SYCP2: variants seen among roughly 807,000 people sequenced by gnomAD.
SYCP2 encodes the protein synaptonemal complex lateral element protein.
In SYCP2, 55 loss-of-function variants were observed where a neutral mutation model predicts 211.3. That is an observed-to-expected ratio of 0.26 (90% CI 0.21 to 0.33). The LOEUF (loss-of-function observed/expected upper bound fraction) is 0.33. Among genes scored for constraint, SYCP2 ranks in the 10% least tolerant of loss-of-function variants. SYCP2 has a pLI of 1.00. For synonymous variants in SYCP2, 570 were observed against 555.2 expected (o/e 1.03, Z -0.37); for missense variants, 1,731 against 1,752.0 (o/e 0.99, Z 0.21).
chr20:59,910,363 T>G (rs1303741088), intron 14 of SYCP2, among the ~76,000 whole-genome samples: 1 of 149,906 alleles, frequency 6.7e-6, no homozygotes, highest in Non-Finnish European at 1.5e-5. Flanking sequence ...ACTGCTATAG[T>G]GTAATTGCTT....
Position 59,881,968 on chromosome 20 carries a change from C to CA in SYCP2, c.2634dup (p.Asp879Ter). On this transcript the variant is annotated frameshift_variant, in exon 28 of 45. Coordinates refer to ENST00000357552, the MANE Select transcript of SYCP2 (RefSeq NM_014258.4). LOFTEE classifies it high-confidence loss of function. ...ACTCCAAGTTTTATGATAGGGTCAT[C>CA]AGCTCCATTCAAATTAAAATTGTAA... The CA allele has an allele frequency of 6.2e-7, 1 of 1,612,766 alleles. No individual in the cohort carries two copies. The highest frequency in any genetic ancestry group is 8.5e-7 in the Non-Finnish European group (1 of 1,179,336).
intron 19 of SYCP2, among the ~76,000 whole-genome samples, chr20:59,895,825 G>A (rs563144159): frequency 6.6e-6 from 1 of 152,144 alleles, no homozygotes; most frequent in East Asian, 1.9e-4. Context: ...TACATTTGGG[G>A]AGCCTGTCAG....
At chr20:59,907,608 T>A (rs1322668924) in intron 14 of SYCP2, among the ~76,000 whole-genome samples, 184 bp from the exon 15 acceptor site, 1 of 152,238 alleles carries the variant, frequency 6.6e-6, no homozygotes, top group African/African-American at 2.4e-5. Context: ...ATTTAATGTA[T>A]TTGTTCATTA....
chr20:59,900,768 T>C lies in SYCP2; in HGVS notation c.1233A>G (p.Ile411Met), dbSNP rs968985028. ...CCTGTGATCCACTTGCGTCAAAAAG[T>C]ATATGCAGCGACGTTTTGGCAACTG... The part of the protein sequence containing the change: ...GISVAKTSLH[I>M]LFDASGSQIL... Residue 411 changes from isoleucine (I) to methionine (M), a missense_variant, in exon 17 of 45, where the codon ATA (isoleucine) becomes ATG (methionine). Around this residue, in one of 3 missense-constraint regions of SYCP2, gnomAD observed 1,387 missense variants for 1,351.3 expected, o/e 1.03. Coordinates refer to ENST00000357552, the MANE Select transcript of SYCP2 (RefSeq NM_014258.4). The C allele has an allele frequency of 2.6e-5, 42 of 1,612,828 alleles. No homozygotes were observed. The highest frequency in any genetic ancestry group is 3.4e-5 in the Non-Finnish European group (40 of 1,179,304).
intron 20 of SYCP2, among the ~76,000 whole-genome samples, chr20:59,894,552 TA>T (rs1439223291): frequency 6.6e-6 from 1 of 152,016 alleles, no homozygotes; most frequent in Non-Finnish European, 1.5e-5. Flanking sequence ...CCAAGACTAC[TA>T]AGCTTTGAGA....
chr20:59,866,772 T>G (rs2059345850), intron 39 of SYCP2, among the ~76,000 whole-genome samples, 183 bp from the exon 40 acceptor site: 1 of 151,506 alleles, frequency 6.6e-6, no homozygotes, highest in South Asian at 2.1e-4. Context: ...AGTGAACTTA[T>G]TTAACTCCAT....
intron 14 of SYCP2, among the ~76,000 whole-genome samples, chr20:59,909,481 T>C (rs6027192): frequency 0.018 from 2,736 of 152,282 alleles, 86 homozygotes; most frequent in African/African-American, 0.063. Context: ...TCTAGTGTTT[T>C]TTCTTTTTAT....
At position 59,892,281 on chromosome 20, in the gene SYCP2, C is replaced by T. The variant is rs971226994; in HGVS notation, c.2073G>A (p.Lys691=). ...GATGATTTTGTTGCTGATTGTGTTT[C>T]TTGCAAACTTCTACTTCTGCTTTAT... ...KIDKAEVEVC[K]KHNQQQNHPK... The change falls in exon 24 of 45, where the codon AAG becomes AAA. Residue 691 remains lysine (K), a synonymous_variant. Coordinates refer to ENST00000357552, the MANE Select transcript of SYCP2 (RefSeq NM_014258.4). 8.7e-6 allele frequency: 14 copies of T among 1,612,428 alleles called. No homozygotes were observed. Among genetic ancestry groups the T allele is most frequent in the African/African-American group, 1.3e-5 (1 of 74,804 alleles).
chr20:59,920,671 A>G (rs2060525036), intron 4 of SYCP2, among the ~76,000 whole-genome samples, 184 bp from the exon 5 acceptor site: 1 of 151,706 alleles, frequency 6.6e-6, no homozygotes. Flanking sequence ...AAAGCCATAC[A>G]GTCAGGGAAT....
At chr20:59,868,946 TA>T in intron 36 of SYCP2, 21 bp from the exon 37 acceptor site, 1 of 1,549,986 alleles carries the variant, frequency 6.5e-7, no homozygotes, top group Non-Finnish European at 8.8e-7. Context: ...TATTAGAAAT[TA>T]GAAAAAAATT....
At chr20:59,912,515 G>T in intron 12 of SYCP2, 97 bp from the exon 13 acceptor site, 1 of 483,322 alleles carries the variant, frequency 2.1e-6, no homozygotes, top group Non-Finnish European at 3.7e-6. Flanking sequence ...AAGGAAATCA[G>T]GCAGTGGTCA....
chr20:59,904,874 A>G (rs1325647254), intron 15 of SYCP2, among the ~76,000 whole-genome samples: 1 of 152,150 alleles, frequency 6.6e-6, no homozygotes, highest in Non-Finnish European at 1.5e-5. Flanking sequence ...ATCACATGGC[A>G]AGAGAGGGAG....
intron 24 of SYCP2, among the ~76,000 whole-genome samples, chr20:59,890,647 G>A (rs991846019): frequency 6.6e-6 from 1 of 151,914 alleles, no homozygotes; most frequent in Non-Finnish European, 1.5e-5. Context: ...ATTCTAAATA[G>A]GATACAGGTA....
At chr20:59,915,587 T>C in intron 8 of SYCP2, 37 bp from the exon 9 acceptor site, 1 of 1,253,730 alleles carries the variant, frequency 8.0e-7, no homozygotes, top group Non-Finnish European at 1.2e-6. Flanking sequence ...TAACTTTACA[T>C]TCAGTGAAAC....
chr20:59,895,490 A>G lies in SYCP2; in HGVS notation c.1612T>C (p.Ser538Pro). ...TSENRVDNAA[S>P]LKSRSSEGRH... ...CCTTCTGATGATCTAGATTTCAGTG[A>G]TGCAGCATTATCCACTCTATTTTCT... is the stretch of plus-strand genomic sequence containing the variant. Residue 538 changes from serine to proline, a missense_variant, in exon 20 of 45, where the codon TCA becomes CCA. Around this residue, in one of 3 missense-constraint regions of SYCP2, gnomAD observed 1,387 missense variants for 1,351.3 expected, o/e 1.03. Coordinates refer to ENST00000357552, the MANE Select transcript of SYCP2 (RefSeq NM_014258.4). 6.2e-7 allele frequency: 1 copy of G among 1,613,054 alleles called. No individual in the cohort carries two copies. The highest frequency in any genetic ancestry group is 8.5e-7 in the Non-Finnish European group (1 of 1,179,306).
At chr20:59,900,588 C>T (rs1005874147) in intron 17 of SYCP2, among the ~76,000 whole-genome samples, 156 bp downstream of exon 17, 88 of 152,202 alleles carry the variant, frequency 5.8e-4, no homozygotes, top group Middle Eastern at 6.8e-3. Flanking sequence ...TCATTAATAA[C>T]ATGTTTAAAC....
At chr20:59,899,079 A>AG (rs138818029) in intron 18 of SYCP2, among the ~76,000 whole-genome samples, 3,020 of 152,270 alleles carry the variant, frequency 0.02, 41 homozygotes, top group Middle Eastern at 0.041. Context: ...CTGATTTTTC[A>AG]GGTATCTCAT....
intron 16 of SYCP2, 60 bp downstream of exon 16, chr20:59,901,602 A>T (rs997550410): frequency 1.9e-6 from 2 of 1,071,872 alleles, no homozygotes; most frequent in Non-Finnish European, 2.7e-6. Context: ...AAAACTTATA[A>T]CGCCAAACTG....
At chr20:59,876,599 G>C (rs970572576) in intron 33 of SYCP2, among the ~76,000 whole-genome samples, 1 of 151,650 alleles carries the variant, frequency 6.6e-6, no homozygotes, top group African/African-American at 2.4e-5. Context: ...TCCTAGTTGT[G>C]TGACCTTGAG....
Sources: allele counts gnomAD v4.1 joint callset (sites outside exome capture counted in the v4.1 genomes callset), GRCh38; gene constraint gnomAD v4.1.1; regional missense constraint gnomAD v4.1.1; transcripts MANE v1.5; gene names NCBI Gene and HGNC (gene_info 2026-07-23, HGNC 2026-07-21).